SOS1: variants seen among roughly 807,000 people sequenced by gnomAD.
SOS1 encodes the protein SOS Ras/Rac guanine nucleotide exchange factor 1.
A neutral mutation model predicts 157.6 loss-of-function variants in SOS1; 25 were observed. That is an observed-to-expected ratio of 0.16 (90% confidence interval 0.12 to 0.22). SOS1 has a LOEUF of 0.22. Ranked by LOEUF, SOS1 falls within the 10% of genes least tolerant of loss-of-function variation. The pLI is 1.00. For synonymous variants in SOS1, 528 were observed against 534.0 expected (o/e 0.99, Z 0.16); for missense variants, 1,237 against 1,599.1 (o/e 0.77, Z 3.86).
In SOS1 at chr2:39,051,065, G is replaced by A. The variant is rs1227876588; in HGVS notation, c.864+79C>T. The A allele has an allele frequency of 2.3e-6, 3 of 1,314,832 alleles. No homozygotes were observed. The African/African-American group carries it at 4.4e-5, about 19-fold the overall frequency. The allele number at this position is 1,314,832 out of a possible 1,614,324, so 81.4% of individuals were successfully genotyped here. ...CAATTAGTATCTATGACTTTAGCTG[G>A]AAAGAAGTAAGACTCTCAATTTTAA... On this transcript the variant is annotated intron_variant, in intron 6 of 22. Coordinates refer to ENST00000402219, the MANE Select transcript of SOS1 (RefSeq NM_005633.4).
chr2:39,088,617 A>G (rs938630755), intron 1 of SOS1, among the ~76,000 whole-genome samples: 9 of 152,194 alleles, frequency 5.9e-5, no homozygotes, highest in South Asian at 2.1e-4. Context: ...ACTTAGTAAA[A>G]TATTTTCAAG....
At chr2:39,035,162 A>T (rs779164306) in intron 8 of SOS1, 50 bp downstream of exon 8, 1 of 1,324,946 alleles carries the variant, frequency 7.5e-7, no homozygotes, top group Non-Finnish European at 1.1e-6. Flanking sequence ...TAGCAAAAAA[A>T]AAAATTCACA....
At chr2:39,026,891 A>G (rs1669982049) in intron 8 of SOS1, among the ~76,000 whole-genome samples, 1 of 152,198 alleles carries the variant, frequency 6.6e-6, no homozygotes, top group Admixed American at 6.5e-5. Context: ...AAATCTCATA[A>G]TGTTTTAAGA....
At chr2:39,028,265 T>A (rs755773237) in intron 8 of SOS1, among the ~76,000 whole-genome samples, 15 of 152,176 alleles carry the variant, frequency 9.9e-5, no homozygotes, top group Non-Finnish European at 2.1e-4. Context: ...GTGTTCCATA[T>A]GCAAAGGAAA....
intron 6 of SOS1, among the ~76,000 whole-genome samples, chr2:39,042,295 A>C (rs1558484162): frequency 6.6e-6 from 1 of 152,172 alleles, no homozygotes; most frequent in Non-Finnish European, 1.5e-5. Flanking sequence ...TTTGTAGATT[A>C]TCTGGGGGAC....
chr2:39,117,231 C>A (rs776631140), intron 1 of SOS1, among the ~76,000 whole-genome samples: 1 of 151,988 alleles, frequency 6.6e-6, no homozygotes, highest in South Asian at 2.1e-4. Flanking sequence ...GGTTTCACCA[C>A]GTTGGCCAGG....
chr2:39,044,864 G>GCGCACACACA (rs147443441), intron 6 of SOS1, among the ~76,000 whole-genome samples: 10,666 of 147,656 alleles, frequency 0.072, 379 homozygotes, highest in South Asian at 0.1. Context: ...GCGCGCGCGC[G>GCGCACACACA]CACACACACA....
At chr2:39,060,926 A>G (rs1269584295) in intron 2 of SOS1, among the ~76,000 whole-genome samples, 1 of 149,244 alleles carries the variant, frequency 6.7e-6, no homozygotes, top group Non-Finnish European at 1.5e-5. Context: ...ATAGAGTTAC[A>G]TGTCTTTGAA....
chr2:39,123,315 C>T (rs181894271), upstream of SOS1, among the ~76,000 whole-genome samples: 2 of 152,158 alleles, frequency 1.3e-5, no homozygotes, highest in African/African-American at 4.8e-5. Flanking sequence ...CCTCCTGCCC[C>T]CAAATAAAAT....
intron 18 of SOS1, 36 bp downstream of exon 18, chr2:38,997,217 A>T: frequency 6.6e-7 from 1 of 1,519,902 alleles, no homozygotes; most frequent in Non-Finnish European, 9.1e-7. Flanking sequence ...TTAGAAACTT[A>T]ATCAGAAGTA....
chr2:39,025,016 C>T (rs1669911398), intron 8 of SOS1, among the ~76,000 whole-genome samples: 1 of 152,150 alleles, frequency 6.6e-6, no homozygotes, highest in Admixed American at 6.5e-5. Flanking sequence ...AGTAAGGTGG[C>T]TATGATTCAA....
chr2:39,069,858 T>C (rs72906433), intron 1 of SOS1, among the ~76,000 whole-genome samples: 5,591 of 152,274 alleles, frequency 0.037, 321 homozygotes, highest in African/African-American at 0.12. Flanking sequence ...TAAAACAAAT[T>C]TTTTTAACAA....
At chr2:39,047,751 A>G (rs1670843186) in intron 6 of SOS1, among the ~76,000 whole-genome samples, 1 of 152,128 alleles carries the variant, frequency 6.6e-6, no homozygotes, top group South Asian at 2.1e-4. Context: ...GCTCACTGCA[A>G]CCTCTATCTC....
At chr2:39,111,473 T>C (rs1046981432) in intron 1 of SOS1, among the ~76,000 whole-genome samples, 6 of 152,220 alleles carry the variant, frequency 3.9e-5, no homozygotes, top group African/African-American at 1.2e-4. Flanking sequence ...AGTTTCTTCC[T>C]ATTTTGTCTA....
chr2:39,028,568 A>C (rs1670049653), intron 8 of SOS1, among the ~76,000 whole-genome samples: 1 of 152,208 alleles, frequency 6.6e-6, no homozygotes, highest in Non-Finnish European at 1.5e-5. Flanking sequence ...AGGCACTAAC[A>C]GGCAGGTACT....
At chr2:39,026,516 A>T (rs1171651216) in intron 8 of SOS1, among the ~76,000 whole-genome samples, 1 of 152,238 alleles carries the variant, frequency 6.6e-6, no homozygotes, top group Non-Finnish European at 1.5e-5. Context: ...CAATATGGCC[A>T]GCTAGATTAA....
Position 39,054,646 on chromosome 2 carries a change from A to C in SOS1, c.688T>G (p.Phe230Val), listed in dbSNP as rs397517177. 2.8e-5 allele frequency: 44 copies of C among 1,583,910 alleles called. No individual in the cohort carries two copies. Among genetic ancestry groups the C allele is most frequent in the Non-Finnish European group, 3.6e-5 (42 of 1,152,990 alleles). ...GAAAACAATTTTGAATTGGAGACAA[A>C]GGGCTCTCTAAAAACTTTTATAATT... is the stretch of plus-strand genomic sequence containing the variant. ...NLIIKVFREP[F>V]VSNSKLFSAN... Residue 230 changes from phenylalanine (F) to valine (V), a missense_variant, in exon 5 of 23, where the codon TTT becomes GTT. By Grantham distance (50) the Phe-to-Val change is conservative. Coordinates refer to ENST00000402219, the MANE Select transcript of SOS1 (RefSeq NM_005633.4).
chr2:39,042,521 A>G (rs1670606145), intron 6 of SOS1, among the ~76,000 whole-genome samples: 1 of 151,744 alleles, frequency 6.6e-6, no homozygotes, highest in African/African-American at 2.4e-5. Flanking sequence ...CTCCTGCCTC[A>G]ACCTCCTGAA....
At chr2:39,049,378 T>G (rs184698096) in intron 6 of SOS1, among the ~76,000 whole-genome samples, 56 of 152,356 alleles carry the variant, frequency 3.7e-4, no homozygotes, top group Middle Eastern at 6.8e-3. Flanking sequence ...CTTGTATATT[T>G]AATTCTCGAA....
Sources: gnomAD v4.1 joint callset for allele counts (sites outside exome capture counted in the v4.1 genomes callset) on GRCh38, gnomAD v4.1.1 for gene constraint, MANE v1.5 for transcripts, NCBI Gene and HGNC (gene_info 2026-07-23, HGNC 2026-07-21) for gene names.